BMPR1B: variants seen among roughly 807,000 people sequenced by gnomAD.
BMPR1B encodes the protein bone morphogenetic protein receptor type-1B.
In BMPR1B, 12 loss-of-function variants were observed where a neutral mutation model predicts 59.1. That is an observed-to-expected ratio of 0.20 (90% CI 0.13 to 0.33). The LOEUF (loss-of-function observed/expected upper bound fraction) is 0.33, where lower values mean the gene tolerates loss of function less well. Ranked by LOEUF, BMPR1B falls within the 10% of genes least tolerant of loss-of-function variation. BMPR1B has a pLI of 1.00. For synonymous variants in BMPR1B, 237 were observed against 207.3 expected (o/e 1.14, Z -1.23); for missense variants, 550 against 610.9 (o/e 0.90, Z 1.05).
At chr4:94,944,719 A>G (rs955315282) in intron 2 of BMPR1B, among the ~76,000 whole-genome samples, 2 of 152,122 alleles carry the variant, frequency 1.3e-5, no homozygotes, top group Non-Finnish European at 2.9e-5. Context: ...GAGAGGACCT[A>G]ATTACCTGCC....
rs149741549 is a variant in BMPR1B at position 95,072,328 on chromosome 4, T to C, written c.-17-32080T>C. ...TCACTTACATAAACACTCAGAATTA[T>C]GTTTGAGCAAATATCTGGGCACCTT... On this transcript the variant is annotated intron_variant, in intron 3 of 12. Coordinates refer to ENST00000515059, the MANE Select transcript of BMPR1B (RefSeq NM_001203.3). 4.6e-5 allele frequency among the ~76,000 whole-genome samples: 7 copies of C among 152,328 alleles called. No individual in the cohort carries two copies. The East Asian group carries it at 1.3e-3, about 29-fold the overall frequency.
Position 95,147,501 on chromosome 4 carries a change from G to GT in BMPR1B, c.1077-1243dup, listed in dbSNP as rs371843843. ...AGTGTGATATTCGATAAATGAATCT[G>GT]TTTTCCAGGCTGAGGAGAAATAACA... On this transcript the variant is annotated intron_variant, in intron 10 of 12. Coordinates refer to ENST00000515059, the MANE Select transcript of BMPR1B (RefSeq NM_001203.3). 1.9e-3 allele frequency among the ~76,000 whole-genome samples: 293 copies of GT among 152,082 alleles called. 3 individuals carry two copies. The highest frequency in any genetic ancestry group is 6.9e-3 in the African/African-American group (285 of 41,492).
chr4:94,783,816 C>CATGCTCACCAGGAATGTAGCCGTTGT (rs1286452885), intron 1 of BMPR1B, among the ~76,000 whole-genome samples: 2 of 152,152 alleles, frequency 1.3e-5, no homozygotes, highest in African/African-American at 4.8e-5. Context: ...ACCACTTGGC[C>CATGCTCACCAGGAATGTAGCCGTTGT]ATGCTCACCA....
chr4:94,899,572 C>T (rs1378231089), intron 2 of BMPR1B, among the ~76,000 whole-genome samples: 5 of 151,380 alleles, frequency 3.3e-5, no homozygotes, highest in Middle Eastern at 3.4e-3. Context: ...GATGTGAAGG[C>T]TTCCGATAGT....
At chr4:94,766,597 A>G (rs891810603) in intron 1 of BMPR1B, among the ~76,000 whole-genome samples, 4 of 151,968 alleles carry the variant, frequency 2.6e-5, no homozygotes, top group Non-Finnish European at 5.9e-5. Context: ...TTTTAATTGT[A>G]AAGAATGTTC....
At chr4:95,073,681 T>A (rs1350876678) in intron 3 of BMPR1B, among the ~76,000 whole-genome samples, 1 of 152,222 alleles carries the variant, frequency 6.6e-6, no homozygotes, top group Non-Finnish European at 1.5e-5. Flanking sequence ...TTAAGTGTTA[T>A]AATGATTTGA....
intron 1 of BMPR1B, among the ~76,000 whole-genome samples, chr4:94,874,710 G>A (rs926559102): frequency 1.3e-5 from 2 of 152,116 alleles, no homozygotes; most frequent in African/African-American, 4.8e-5. Flanking sequence ...GCTATTGGCC[G>A]GGTGCGGTGG....
At chr4:94,937,645 C>T (rs1729364056) in intron 2 of BMPR1B, among the ~76,000 whole-genome samples, 1 of 152,038 alleles carries the variant, frequency 6.6e-6, no homozygotes, top group Non-Finnish European at 1.5e-5. Context: ...TAATGACAGA[C>T]TACAACATAT....
intron 3 of BMPR1B, among the ~76,000 whole-genome samples, chr4:95,031,348 G>A (rs1406229795): frequency 6.6e-6 from 1 of 152,154 alleles, no homozygotes. Flanking sequence ...GACATGACTG[G>A]ACCCTGAGGT....
intron 1 of BMPR1B, among the ~76,000 whole-genome samples, chr4:94,863,117 A>G (rs1182589552): frequency 2.0e-5 from 3 of 151,968 alleles, no homozygotes; most frequent in East Asian, 1.9e-4. Context: ...ACTCGTCTCA[A>G]AAAAAAGGTT....
intron 3 of BMPR1B, among the ~76,000 whole-genome samples, chr4:95,096,818 ATATATT>A (rs1193497710): frequency 9.2e-5 from 13 of 140,750 alleles, no homozygotes; most frequent in East Asian, 2.0e-4. Flanking sequence ...ATAAATATAA[ATATATT>A]TATATTTATA....
intron 3 of BMPR1B, among the ~76,000 whole-genome samples, chr4:95,098,070 T>G (rs774529316): frequency 6.6e-6 from 1 of 152,136 alleles, no homozygotes; most frequent in Non-Finnish European, 1.5e-5. Context: ...GCCTAGTATA[T>G]TAGGATACTA....
intron 3 of BMPR1B, among the ~76,000 whole-genome samples, chr4:95,093,930 T>A (rs1250385917): frequency 6.6e-6 from 1 of 152,100 alleles, no homozygotes; most frequent in Non-Finnish European, 1.5e-5. Flanking sequence ...TTGGTGGTTA[T>A]GGTTTCCATA....
intron 2 of BMPR1B, among the ~76,000 whole-genome samples, chr4:94,912,170 A>G (rs1028191652): frequency 8.5e-5 from 13 of 152,106 alleles, no homozygotes; most frequent in African/African-American, 2.4e-4. Context: ...AAGCACCCCC[A>G]TGATTGAATT....
intron 5 of BMPR1B, 129 bp downstream of exon 5, chr4:95,114,951 T>C: frequency 1.2e-6 from 1 of 857,888 alleles, no homozygotes; most frequent in Non-Finnish European, 2.0e-6. Flanking sequence ...CAAAAACATT[T>C]AGGTCAGCAA....
chr4:94,997,396 G>T (rs1222935756), intron 3 of BMPR1B, among the ~76,000 whole-genome samples: 1 of 152,176 alleles, frequency 6.6e-6, no homozygotes, highest in Non-Finnish European at 1.5e-5. Flanking sequence ...GGATAAGCCA[G>T]ATCTAAAACA....
chr4:94,781,890 A>G (rs1722603982), intron 1 of BMPR1B, among the ~76,000 whole-genome samples: 1 of 152,136 alleles, frequency 6.6e-6, no homozygotes, highest in African/African-American at 2.4e-5. Context: ...CCTTGTATGC[A>G]AAGAGTCATA....
chr4:94,915,387 A>G (rs1728443152), intron 2 of BMPR1B, among the ~76,000 whole-genome samples: 1 of 152,216 alleles, frequency 6.6e-6, no homozygotes, highest in African/African-American at 2.4e-5. Flanking sequence ...TATCAAAACC[A>G]TTTGGAATCA....
intron 3 of BMPR1B, among the ~76,000 whole-genome samples, chr4:95,063,828 CAATA>C (rs1282115817): frequency 1.3e-5 from 2 of 151,620 alleles, no homozygotes; most frequent in Admixed American, 6.6e-5. Flanking sequence ...TGAAAATAAA[CAATA>C]AAAGTAGCAG....
Sources: gnomAD v4.1 joint callset for allele counts (sites outside exome capture counted in the v4.1 genomes callset) on GRCh38, gnomAD v4.1.1 for gene constraint, MANE v1.5 for transcripts, NCBI Gene and HGNC (gene_info 2026-07-23, HGNC 2026-07-21) for gene names.